CFD: variants seen among roughly 807,000 people sequenced by gnomAD.
CFD encodes C3 convertase activator.
Under a neutral mutation model 21.1 loss-of-function variants are expected in CFD, and 24 were observed. That is an observed-to-expected ratio of 1.14 (90% confidence interval 0.82 to 1.60). CFD has a LOEUF of 1.60. Ranked by LOEUF, CFD falls within the 40% of genes most tolerant of loss-of-function variation. CFD has a pLI of 0.00. For missense variants in CFD, 535 were observed against 383.3 expected (o/e 1.40, Z -3.31); for synonymous variants, 242 against 175.9 (o/e 1.38, Z -2.97).
chr19:859,726 C>G lies in CFD; in HGVS notation c.37C>G (p.Leu13Val), dbSNP rs1389470569. 1 of 1,573,408 alleles carries G rather than the reference C, an allele frequency of 6.4e-7. No homozygotes were observed. Residue 13 changes from leucine (L) to valine (V), a missense_variant, in exon 1 of 5, where the codon CTA becomes GTA. Physicochemically the swap from Leu to Val is conservative, Grantham distance 32. Coordinates refer to ENST00000327726, the MANE Select transcript of CFD (RefSeq NM_001928.4). Reference protein sequence around the residue: ...SWERLAVLVLLGAAACAAPPR... With the variant: ...SWERLAVLVLVGAAACAAPPR... ...GGAGCGCCTGGCAGTTCTGGTCCTC[C>G]TAGGAGCGGCCGCCTGCGGTGAGGA... is the stretch of plus-strand genomic sequence containing the variant.
chr19:863,099 C>A lies in CFD; in HGVS notation c.623C>A (p.Ser208Tyr). 4.6e-6 allele frequency: 7 copies of A among 1,524,594 alleles called. No individual in the cohort carries two copies. Among genetic ancestry groups the A allele is most frequent in the Non-Finnish European group, 6.2e-6 (7 of 1,138,092 alleles). The allele number at this position is 1,524,594 out of a possible 1,614,324, so 94.4% of individuals were successfully genotyped here. A position where few individuals can be genotyped will look rare whatever the true frequency, so the allele number is the denominator to read the frequency against. ...CCCGTCCTGTTCCGGCAGGGTGACT[C>A]CGGGGGCCCGCTGGTGTGCGGGGGC... is the stretch of plus-strand genomic sequence containing the variant. The part of the protein sequence containing the change: ...SNRRDSCKGD[S>Y]GGPLVCGGVL... The change falls in exon 5 of 5, where the codon TCC becomes TAC. Residue 208 changes from serine (S) to tyrosine (Y), a missense_variant. Ser to Tyr is a moderately radical substitution (Grantham distance 144). Coordinates refer to ENST00000327726, the MANE Select transcript of CFD (RefSeq NM_001928.4).
rs199583783 is a variant in CFD at position 860,780 on chromosome 19, G to T, written c.212+7G>T. 1.8e-3 allele frequency: 2,824 copies of T among 1,562,850 alleles called. 34 individuals carry two copies. The African/African-American group carries it at 0.027, about 15-fold the overall frequency. ...CGCACTGCCTGGAGGACGCGTGAGT[G>T]CCCGCGCCGCGCGGGGGAAGAGCCC... On this transcript the variant is annotated splice_region_variant and intron_variant, in intron 2 of 4. Transcript: ENST00000327726.
At chr19:860,091 C>T (rs1052393747) in intron 1 of CFD, among the ~76,000 whole-genome samples, 3 of 152,110 alleles carry the variant, frequency 2.0e-5, no homozygotes, top group African/African-American at 7.2e-5. Context: ...GCCCCCGGTC[C>T]CCAGCCCACT....
intron 4 of CFD, among the ~76,000 whole-genome samples, chr19:862,645 C>T (rs1042397341): frequency 1.3e-5 from 2 of 149,618 alleles, no homozygotes; most frequent in Non-Finnish European, 3.0e-5. Context: ...CCGAGGCTTG[C>T]ATGGTAGCCG....
intron 4 of CFD, 119 bp from the exon 5 acceptor site, chr19:862,973 T>C (rs1222364232): frequency 2.6e-5 from 28 of 1,070,490 alleles, no homozygotes; most frequent in Middle Eastern, 3.1e-4. Flanking sequence ...AAGACCAAAT[T>C]AACACGGGAG....
intron 4 of CFD, among the ~76,000 whole-genome samples, 187 bp downstream of exon 4, chr19:862,143 G>A (rs1229554809): frequency 6.7e-6 from 1 of 148,306 alleles, no homozygotes; most frequent in African/African-American, 2.5e-5. Flanking sequence ...TGAGGGGGCG[G>A]GGCATGTGGG....
rs753841816 is a variant in CFD, at chr19:863,470, T to C, written c.*232T>C. ...GCTGGGCAATTGGCGGGCATGGAGGTGGGTGCTTGTAGTTCCAGCTACTCA... is the reference window on the plus strand; with the variant it reads ...GCTGGGCAATTGGCGGGCATGGAGGCGGGTGCTTGTAGTTCCAGCTACTCA... On this transcript the variant is annotated 3_prime_UTR_variant, in exon 5 of 5. Coordinates refer to ENST00000327726, the MANE Select transcript of CFD (RefSeq NM_001928.4). 9 of 585,104 alleles carry C rather than the reference T, an allele frequency of 1.5e-5. No individual in the cohort carries two copies. Among genetic ancestry groups the C allele is most frequent in the Non-Finnish European group, 2.5e-5 (8 of 324,740 alleles). The allele number at this position is 585,104 out of a possible 1,614,324, so 36.2% of individuals were successfully genotyped here. A position where few individuals can be genotyped will look rare whatever the true frequency, so the allele number is the denominator to read the frequency against.
At position 861,839 on chromosome 19, in the gene CFD, G is replaced by C. The variant is rs1460954263; in HGVS notation, c.498G>C (p.Leu166=). The C allele has an allele frequency of 6.2e-7, 1 of 1,600,288 alleles. No individual in the cohort carries two copies. The highest frequency in any genetic ancestry group is 8.5e-7 in the Non-Finnish European group (1 of 1,178,588). Residue 166 remains leucine, a synonymous_variant, in exon 4 of 5, where the codon CTG becomes CTC. Coordinates refer to ENST00000327726, the MANE Select transcript of CFD (RefSeq NM_001928.4). The part of the protein sequence containing the change: ...VNHAGRRPDS[L]QHVLLPVLDR... The stretch of plus-strand genomic sequence containing the variant: ...ACGCGGGCCGCCGCCCGGACAGCCT[G>C]CAGCACGTGCTCTTGCCAGTGCTGG...
In CFD at chr19:861,780, C is replaced by G; in HGVS notation, c.439C>G (p.Leu147Val). ...RVDRDVAPGT[L>V]CDVAGWGIVN... is the part of the protein sequence containing the mutation. ...GGACCGCGACGTGGCACCGGGAACT[C>G]TCTGCGACGTGGCCGGCTGGGGCAT... is the stretch of plus-strand genomic sequence containing the variant. Residue 147 changes from leucine (L) to valine (V), a missense_variant, in exon 4 of 5, where the codon CTC (leucine) becomes GTC (valine). Coordinates refer to ENST00000327726, the MANE Select transcript of CFD (RefSeq NM_001928.4). 1 of 1,605,770 alleles carries G rather than the reference C, an allele frequency of 6.2e-7. No homozygotes were observed. Among genetic ancestry groups the G allele is most frequent in the Non-Finnish European group, 8.5e-7 (1 of 1,179,024 alleles).
At position 863,290 on chromosome 19, in the gene CFD, T is replaced by C. The variant is rs1442946991; in HGVS notation, c.*52T>C. ...ACCCAAGCAACAAAGTCCCGAGCAA[T>C]GAAGTCATCCACTCCTGCATCTGGT... On this transcript the variant is annotated 3_prime_UTR_variant, in exon 5 of 5. Coordinates refer to ENST00000327726, the MANE Select transcript of CFD (RefSeq NM_001928.4). 1 of 1,539,122 alleles carries C rather than the reference T, an allele frequency of 6.5e-7. No homozygotes were observed. Among genetic ancestry groups the C allele is most frequent in the Non-Finnish European group, 8.7e-7 (1 of 1,147,960 alleles).
intron 1 of CFD, 26 bp from the exon 2 acceptor site, chr19:860,591 G>A (rs959585382): frequency 3.6e-6 from 5 of 1,406,414 alleles, no homozygotes; most frequent in African/African-American, 3.0e-5. Context: ...CCACCCCGCG[G>A]CCCTCACGCG....
chr19:863,052 G>A, intron 4 of CFD, 40 bp from the exon 5 acceptor site: 1 of 1,483,664 alleles, frequency 6.7e-7, no homozygotes, highest in Non-Finnish European at 9.0e-7. Context: ...GGCCGGGGTG[G>A]GCGCGGGCCG....
Position 861,015 on chromosome 19 carries a change from G to T in CFD, c.357+10G>T, listed in dbSNP as rs1484973046. ...CCTCCTGCTGCTACAGGTCGGCCCC[G>T]TGTAGCGCAGTCCCTCCTGCGGCGC... On this transcript the variant is annotated intron_variant, in intron 3 of 4. Transcript: ENST00000327726. 6.3e-6 allele frequency: 10 copies of T among 1,596,650 alleles called. No homozygotes were observed. Among genetic ancestry groups the T allele is most frequent in the African/African-American group, 1.3e-5 (1 of 74,816 alleles).
chr19:861,757 A>G lies in CFD; in HGVS notation c.416A>G (p.Asp139Gly). 1 of 1,605,826 alleles carries G rather than the reference A, an allele frequency of 6.2e-7. No homozygotes were observed. The highest frequency in any genetic ancestry group is 8.5e-7 in the Non-Finnish European group (1 of 1,178,460). The change falls in exon 4 of 5, where the codon GAC (aspartate) becomes GGC (glycine). Residue 139 changes from aspartate to glycine, a missense_variant. Coordinates refer to ENST00000327726, the MANE Select transcript of CFD (RefSeq NM_001928.4). The part of the protein sequence containing the change: ...AVRPLPWQRV[D>G]RDVAPGTLCD... ...CGCCCCCTGCCCTGGCAGCGCGTGG[A>G]CCGCGACGTGGCACCGGGAACTCTC...
Position 860,611 on chromosome 19 carries a change from C to T in CFD, c.56-6C>T. ...CCGCGGCCCTCACGCGCCCGCCCACCCACAGCGGCGCCGCCCCGTGGTCGG... is the reference window on the plus strand; with the variant it reads ...CCGCGGCCCTCACGCGCCCGCCCACTCACAGCGGCGCCGCCCCGTGGTCGG... On this transcript the variant is annotated splice_region_variant and splice_polypyrimidine_tract_variant and intron_variant, in intron 1 of 4. Transcript: ENST00000327726. 7.0e-7 allele frequency: 1 copy of T among 1,438,338 alleles called. No individual in the cohort carries two copies. Among genetic ancestry groups the T allele is most frequent in the African/African-American group, 1.5e-5 (1 of 66,800 alleles). The allele number at this position is 1,438,338 out of a possible 1,614,324, so 89.1% of individuals were successfully genotyped here.
At chr19:860,437 C>A (rs988659572) in intron 1 of CFD, among the ~76,000 whole-genome samples, 180 bp from the exon 2 acceptor site, 1 of 151,330 alleles carries the variant, frequency 6.6e-6, no homozygotes, top group African/African-American at 2.4e-5. Flanking sequence ...TGCACCCCCC[C>A]CTCCCCCCCC....
Position 861,045 on chromosome 19 carries a change from A to AT in CFD, c.357+41dup, listed in dbSNP as rs566621790. ...GCGCAGTCCCTCCTGCGGCGCTGGG[A>AT]TCCCCGGCCCACCCTCACTCCACCC... On this transcript the variant is annotated intron_variant, in intron 3 of 4. Transcript: ENST00000327726. 36 of 1,583,520 alleles carry AT rather than the reference A, an allele frequency of 2.3e-5. No individual in the cohort carries two copies. In the African/African-American group the frequency reaches 3.9e-4, roughly 17 times the overall value.
At position 860,792 on chromosome 19, in the gene CFD, C is replaced by T; in HGVS notation, c.212+19C>T. The T allele has an allele frequency of 6.4e-7, 1 of 1,559,712 alleles. No individual in the cohort carries two copies. Among genetic ancestry groups the T allele is most frequent in the Non-Finnish European group, 8.6e-7 (1 of 1,161,052 alleles). On this transcript the variant is annotated intron_variant, in intron 2 of 4. Coordinates refer to ENST00000327726, the MANE Select transcript of CFD (RefSeq NM_001928.4). ...AGGACGCGTGAGTGCCCGCGCCGCGCGGGGGAAGAGCCCGGGTGCGGTGGG... is the reference window on the plus strand; with the variant it reads ...AGGACGCGTGAGTGCCCGCGCCGCGTGGGGGAAGAGCCCGGGTGCGGTGGG...
At chr19:859,784 T>C (rs909936437) in intron 1 of CFD, 40 bp downstream of exon 1, 9 of 1,496,404 alleles carry the variant, frequency 6.0e-6, no homozygotes, top group Admixed American at 2.0e-5. Flanking sequence ...CAGGGCTGTG[T>C]AGGGGCGTGG....
Sources: allele counts gnomAD v4.1 joint callset (sites outside exome capture counted in the v4.1 genomes callset), GRCh38; gene constraint gnomAD v4.1.1; transcripts MANE v1.5; gene names NCBI Gene and HGNC (gene_info 2026-07-23, HGNC 2026-07-21).